IQCH: variants seen among roughly 807,000 people sequenced by gnomAD.
IQCH encodes the protein IQ motif containing H, also known as IQ domain-containing protein H.
IQCH carries 98 observed loss-of-function variants against 117.0 expected under a neutral mutation model. The observed-to-expected ratio is 0.84, with a 90% CI of 0.71 to 0.99. IQCH has a LOEUF of 0.99. Among genes scored for constraint, IQCH ranks in the 50% least tolerant of loss-of-function variants. The pLI is 0.00. For missense variants in IQCH, 1,102 were observed against 1,243.8 expected (o/e 0.89, Z 1.72); for synonymous variants, 412 against 448.2 (o/e 0.92, Z 1.02).
chr15:67,305,143 A>G (rs891442073), intron 4 of IQCH, among the ~76,000 whole-genome samples: 4 of 152,142 alleles, frequency 2.6e-5, no homozygotes, highest in African/African-American at 9.6e-5. Flanking sequence ...TTACTGAGGT[A>G]ACATCTCTAT....
intron 4 of IQCH, among the ~76,000 whole-genome samples, chr15:67,310,017 A>C (rs1287508511): frequency 6.6e-6 from 1 of 151,666 alleles, no homozygotes. Context: ...TAGTGTTAAA[A>C]ATCTCTCATT....
At chr15:67,267,607 G>T (rs776878140) in intron 3 of IQCH, among the ~76,000 whole-genome samples, 1 of 152,222 alleles carries the variant, frequency 6.6e-6, no homozygotes, top group Non-Finnish European at 1.5e-5. Context: ...AACTGCCAAT[G>T]CCTGCTCAAA....
chr15:67,321,545 CCTTT>C (rs1047883332), intron 4 of IQCH, among the ~76,000 whole-genome samples: 11 of 143,574 alleles, frequency 7.7e-5, no homozygotes, highest in South Asian at 2.2e-4. Context: ...TTCCTTCCTT[CCTTT>C]CTTTCCTTTC....
intron 4 of IQCH, among the ~76,000 whole-genome samples, chr15:67,308,231 A>G (rs1424345871): frequency 1.3e-5 from 2 of 152,112 alleles, no homozygotes; most frequent in African/African-American, 4.8e-5. Context: ...TCTTTTTCCA[A>G]AAACAGATGT....
rs747929986 is a variant in IQCH, at chr15:67,337,109, T to C, written c.508+14T>C. ...ATGCCCACAAAGGTTAGTGATTCAA[T>C]AGCCATTTTACGTGTTTAGGAACGG... On this transcript the variant is annotated intron_variant, in intron 5 of 20. Coordinates refer to ENST00000335894, the MANE Select transcript of IQCH (RefSeq NM_001031715.3). 27 of 1,612,494 alleles carry C rather than the reference T, an allele frequency of 1.7e-5. No individual in the cohort carries two copies. Among genetic ancestry groups the C allele is most frequent in the Non-Finnish European group, 2.5e-6 (3 of 1,179,178 alleles).
rs1263917468 is a variant in IQCH, at chr15:67,344,077, A to G, written c.523A>G (p.Ile175Val). 1 of 1,612,960 alleles carries G rather than the reference A, an allele frequency of 6.2e-7. No individual in the cohort carries two copies. The highest frequency in any genetic ancestry group is 8.5e-7 in the Non-Finnish European group (1 of 1,179,228). Residue 175 changes from isoleucine (I) to valine (V), a missense_variant, in exon 6 of 21, where the codon ATA (isoleucine) becomes GTA (valine). By Grantham distance (29) the Ile-to-Val change is conservative (BLOSUM62 3). Coordinates refer to ENST00000335894, the MANE Select transcript of IQCH (RefSeq NM_001031715.3). ...TTTCTTTTTAGGGATTTTAAGTATG[A>G]TAGAACGAGGGCTGATTCCACCAAC... ...ADAHKGILSM[I>V]ERGLIPPTAR...
At chr15:67,418,707 A>G (rs531546596) in intron 15 of IQCH, among the ~76,000 whole-genome samples, 4 of 150,164 alleles carry the variant, frequency 2.7e-5, no homozygotes, top group East Asian at 2.0e-4. Flanking sequence ...GCCTCCTGAT[A>G]GCTGGGATTA....
At chr15:67,497,010 G>A (rs1282179310) in intron 20 of IQCH, among the ~76,000 whole-genome samples, 2 of 135,206 alleles carry the variant, frequency 1.5e-5, no homozygotes, top group Non-Finnish European at 3.1e-5. Flanking sequence ...GGGCGACAGA[G>A]CGAGACTCCG....
At chr15:67,341,692 G>A (rs1171054652) in intron 5 of IQCH, among the ~76,000 whole-genome samples, 1 of 151,926 alleles carries the variant, frequency 6.6e-6, no homozygotes, top group Non-Finnish European at 1.5e-5. Flanking sequence ...AATATAAAAT[G>A]AACACATGTC....
intron 3 of IQCH, among the ~76,000 whole-genome samples, chr15:67,277,228 A>G (rs936207333): frequency 4.6e-5 from 7 of 152,058 alleles, no homozygotes; most frequent in African/African-American, 1.7e-4. Context: ...CACTTTTTTC[A>G]TTAGTGCCCT....
chr15:67,385,988 A>G lies in IQCH; in HGVS notation c.1456+969A>G, dbSNP rs1304126522. Among the ~76,000 whole-genome samples, 5 of 152,216 alleles carry G rather than the reference A, an allele frequency of 3.3e-5. No individual in the cohort carries two copies. Among genetic ancestry groups the G allele is most frequent in the African/African-American group, 1.2e-4 (5 of 41,454 alleles). ...TTATAAATGCTATTTGGTATCAAAAAATACATCAGTACTAGAAATTTACAG... is the reference window on the plus strand; with the variant it reads ...TTATAAATGCTATTTGGTATCAAAAGATACATCAGTACTAGAAATTTACAG... On this transcript the variant is annotated intron_variant, in intron 11 of 20. Coordinates refer to ENST00000335894, the MANE Select transcript of IQCH (RefSeq NM_001031715.3). The surrounding 1 kb of genome is among the most constrained non-coding windows in gnomAD (Gnocchi z 4.6).
Position 67,459,333 on chromosome 15 carries a change from G to A in IQCH, c.2506-5794G>A, listed in dbSNP as rs950603711. 2.6e-5 allele frequency among the ~76,000 whole-genome samples: 4 copies of A among 152,154 alleles called. No individual in the cohort carries two copies. Among genetic ancestry groups the A allele is most frequent in the Non-Finnish European group, 4.4e-5 (3 of 68,018 alleles). On this transcript the variant is annotated intron_variant, in intron 16 of 20. Coordinates refer to ENST00000335894, the MANE Select transcript of IQCH (RefSeq NM_001031715.3). The surrounding 1 kb of genome is among the most constrained non-coding windows in gnomAD (Gnocchi z 4.2). ...ATAAATTAGTCTCTGAGTCCCATAC[G>A]TGCCCTGATGCCCATAGGAGAAGGG...
In IQCH at chr15:67,263,149, G is replaced by C. The variant is rs62014646; in HGVS notation, c.202G>C (p.Val68Leu). The change falls in exon 3 of 21, where the codon GTA (valine) becomes CTA (leucine). Residue 68 changes from valine to leucine, a missense_variant. Coordinates refer to ENST00000335894, the MANE Select transcript of IQCH (RefSeq NM_001031715.3). ...TCACATTGAGAAGTATTTAAATGTT[G>C]TAAACCAGAATGTATTAACGACTTC... ...RIHIEKYLNV[V>L]NQNVLTTSVN... 0.015 allele frequency: 23,943 copies of C among 1,563,024 alleles called. 226 individuals are homozygous for C. The highest frequency in any genetic ancestry group is 0.018 in the Non-Finnish European group (20,520 of 1,133,782).
chr15:67,452,524 C>T (rs2082554081), intron 16 of IQCH, among the ~76,000 whole-genome samples: 1 of 152,160 alleles, frequency 6.6e-6, no homozygotes, highest in Non-Finnish European at 1.5e-5. Flanking sequence ...GTTGAAAATT[C>T]TTTTCTTTAA....
chr15:67,317,424 C>T lies in IQCH; in HGVS notation c.388-19551C>T, dbSNP rs562755590. Among the ~76,000 whole-genome samples, 7 of 152,136 alleles carry T rather than the reference C, an allele frequency of 4.6e-5. No individual in the cohort carries two copies. The South Asian group carries it at 1.2e-3, about 27-fold the overall frequency. ...TTCACCATGTTGGCCAGGCTGGTCT[C>T]GAACTCCTGACCTCAAATGATCTGC... On this transcript the variant is annotated intron_variant, in intron 4 of 20. Transcript: ENST00000335894.
intron 13 of IQCH, among the ~76,000 whole-genome samples, chr15:67,397,694 T>C (rs1971515637): frequency 6.6e-6 from 1 of 152,222 alleles, no homozygotes; most frequent in South Asian, 2.1e-4. Context: ...TCAGTTGGAC[T>C]TTAGCAGTAT....
At chr15:67,337,463 C>G (rs1456726685) in intron 5 of IQCH, among the ~76,000 whole-genome samples, 1 of 151,872 alleles carries the variant, frequency 6.6e-6, no homozygotes, top group African/African-American at 2.4e-5. Flanking sequence ...ATTTCAATAC[C>G]CTATTATAAG....
rs2081926917 is a variant in IQCH, at chr15:67,427,779, CATT to C, written c.2505+6207_2505+6209del. On this transcript the variant is annotated intron_variant, in intron 16 of 20. Transcript: ENST00000335894. This position sits in a 1 kb window ranked among gnomAD's most constrained non-coding sequence, Gnocchi z 4.7. ...TTAAATACACATATATTAATCACAT[CATT>C]ATTAAGAATAGCAAAATATTTCAAG... Among the ~76,000 whole-genome samples the C allele has an allele frequency of 1.3e-5, 2 of 151,560 alleles. No individual in the cohort carries two copies. Among genetic ancestry groups the C allele is most frequent in the Non-Finnish European group, 2.9e-5 (2 of 67,920 alleles).
At chr15:67,320,923 C>T (rs924232054) in intron 4 of IQCH, among the ~76,000 whole-genome samples, 4 of 152,158 alleles carry the variant, frequency 2.6e-5, no homozygotes, top group East Asian at 3.8e-4. Context: ...GTCACTAACA[C>T]GCTGATGTGC....
Sources: allele counts gnomAD v4.1 joint callset (sites outside exome capture counted in the v4.1 genomes callset), GRCh38; gene constraint gnomAD v4.1.1; non-coding constraint Gnocchi (gnomAD v3.1); transcripts MANE v1.5; gene names NCBI Gene and HGNC (gene_info 2026-07-23, HGNC 2026-07-21).